NPHP1: variants seen among roughly 807,000 people sequenced by gnomAD.
The protein encoded by NPHP1 is nephrocystin 1.
A neutral mutation model predicts 90.4 loss-of-function variants in NPHP1; 70 were observed. The ratio of observed to expected loss-of-function variants is 0.77; its 90% CI spans 0.64 to 0.95. NPHP1 has a LOEUF of 0.95. NPHP1 is among the 40% of genes least tolerant of loss of function. The pLI, the probability that NPHP1 is intolerant of heterozygous loss-of-function variation, is 0.00. For synonymous variants in NPHP1, 256 were observed against 271.7 expected, an observed-to-expected ratio of 0.94 and a Z score of 0.57; for missense variants, 764 against 795.9, an observed-to-expected ratio of 0.96 and a Z score of 0.48.
At chr2:110,125,440 G>A in intron 19 of NPHP1, 197 bp downstream of exon 19, 2 of 1,184,316 alleles carry the variant, frequency 1.7e-6, no homozygotes, top group Non-Finnish European at 1.2e-6. Flanking sequence ...TCTTGAACAA[G>A]TATTCCTTCT....
At chr2:110,135,250 A>C (rs11895254) in intron 16 of NPHP1, among the ~76,000 whole-genome samples, 6,494 of 152,032 alleles carry the variant, frequency 0.043, 454 homozygotes, top group African/African-American at 0.15. Flanking sequence ...TCAAAATAAT[A>C]ATCTGGAAAC....
chr2:110,186,215 T>A (rs1269579675), intron 2 of NPHP1, among the ~76,000 whole-genome samples: 1 of 152,186 alleles, frequency 6.6e-6, no homozygotes, highest in Non-Finnish European at 1.5e-5. Context: ...TGCCATAGAA[T>A]CAACAGGCTG....
chr2:110,137,120 T>C (rs1020474779), intron 16 of NPHP1, among the ~76,000 whole-genome samples: 5 of 152,068 alleles, frequency 3.3e-5, no homozygotes, highest in Non-Finnish European at 5.9e-5. Context: ...TGGCTAGCCA[T>C]ATGTAGAAAG....
chr2:110,154,190 TG>T (rs1681714416), intron 11 of NPHP1, among the ~76,000 whole-genome samples: 1 of 152,070 alleles, frequency 6.6e-6, no homozygotes, highest in East Asian at 1.9e-4. Flanking sequence ...ATTTTAAAAA[TG>T]GGAGTTTTCC....
intron 11 of NPHP1, among the ~76,000 whole-genome samples, chr2:110,155,189 T>A (rs1289656274): frequency 1.3e-5 from 2 of 152,060 alleles, no homozygotes; most frequent in Non-Finnish European, 2.9e-5. Flanking sequence ...AGCTTCCATG[T>A]GGTATTGAGC....
At chr2:110,194,156 T>G (rs1378938374) in intron 2 of NPHP1, among the ~76,000 whole-genome samples, 1 of 151,710 alleles carries the variant, frequency 6.6e-6, no homozygotes, top group East Asian at 1.9e-4. Context: ...ATAACTAAGA[T>G]CAGAGCAGAA....
rs899806238 is a variant in NPHP1 at position 110,123,916 on chromosome 2, T to C, written c.1909A>G (p.Lys637Glu). Residue 637 changes from lysine (K) to glutamate (E), a missense_variant, in exon 20 of 20, where the codon AAG becomes GAG. Physicochemically the swap from Lys to Glu is moderately conservative, Grantham distance 56. Transcript: ENST00000445609. ...GCGCCCTGGTTTTCTTGGTTTTGCT[T>C]AAGGAAGTCAGTGATAACTTTCCAC... ...ARWKVITDFL[K>E]QNQENQGALQ... is the part of the protein sequence containing the mutation. 1.2e-6 allele frequency: 2 copies of C among 1,614,094 alleles called. No individual in the cohort carries two copies. The highest frequency in any genetic ancestry group is 1.7e-6 in the Non-Finnish European group (2 of 1,180,016).
chr2:110,184,394 A>T, intron 2 of NPHP1: 1 of 615,848 alleles, frequency 1.6e-6, no homozygotes, highest in Non-Finnish European at 3.0e-6. Context: ...TCACTGAGGC[A>T]CCTTTAAACC....
chr2:110,178,846 G>C (rs1683688008), intron 3 of NPHP1: 1 of 250,130 alleles, frequency 4.0e-6, no homozygotes, highest in Non-Finnish European at 7.7e-6. Context: ...CGGCTTTAAA[G>C]TCAATGAGAC....
At chr2:110,151,610 G>A (rs1040638968) in intron 11 of NPHP1, among the ~76,000 whole-genome samples, 6 of 152,008 alleles carry the variant, frequency 3.9e-5, no homozygotes, top group Non-Finnish European at 7.4e-5. Flanking sequence ...AGGAATATAG[G>A]AGTATTTTAT....
intron 16 of NPHP1, among the ~76,000 whole-genome samples, chr2:110,133,680 A>T (rs982186977): frequency 6.6e-6 from 1 of 152,148 alleles, no homozygotes; most frequent in Admixed American, 6.5e-5. Context: ...CATACAAAAT[A>T]TCTTTTTTCA....
chr2:110,197,040 A>T (rs1685217269), intron 2 of NPHP1, among the ~76,000 whole-genome samples: 1 of 152,284 alleles, frequency 6.6e-6, no homozygotes, highest in East Asian at 1.9e-4. Flanking sequence ...CAGAAAACCA[A>T]ACTCCGCATG....
chr2:110,173,544 G>A (rs949281730), intron 4 of NPHP1, among the ~76,000 whole-genome samples: 7 of 152,046 alleles, frequency 4.6e-5, no homozygotes, highest in Non-Finnish European at 1.0e-4. Context: ...TATTTTTACT[G>A]TACATTTCCT....
intron 16 of NPHP1, among the ~76,000 whole-genome samples, chr2:110,135,564 C>T (rs370383578): frequency 3.4e-5 from 5 of 148,532 alleles, no homozygotes; most frequent in South Asian, 2.1e-4. Flanking sequence ...GTATCATGCA[C>T]AAGATTTAAC....
intron 16 of NPHP1, among the ~76,000 whole-genome samples, chr2:110,143,217 T>C (rs1680777426): frequency 6.6e-6 from 1 of 152,200 alleles, no homozygotes; most frequent in Non-Finnish European, 1.5e-5. Context: ...TTTTACTGCA[T>C]GTAAATTATA....
At chr2:110,177,827 G>A (rs1444212258) in intron 4 of NPHP1, among the ~76,000 whole-genome samples, 12 of 151,758 alleles carry the variant, frequency 7.9e-5, no homozygotes, top group African/African-American at 2.7e-4. Flanking sequence ...CTGCAGCCTG[G>A]AACTTCTGGG....
intron 6 of NPHP1, among the ~76,000 whole-genome samples, chr2:110,168,190 T>G (rs1010335114): frequency 6.6e-6 from 1 of 152,214 alleles, no homozygotes; most frequent in East Asian, 1.9e-4. Flanking sequence ...ACACCTATTA[T>G]TTGTTATGAT....
intron 4 of NPHP1, among the ~76,000 whole-genome samples, chr2:110,172,569 C>T (rs1015484593): frequency 2.0e-5 from 3 of 152,008 alleles, no homozygotes; most frequent in Non-Finnish European, 4.4e-5. Context: ...TTGCATAAGC[C>T]CATGAGTTCA....
chr2:110,186,555 A>G (rs1449707356), intron 2 of NPHP1, among the ~76,000 whole-genome samples: 1 of 152,170 alleles, frequency 6.6e-6, no homozygotes, highest in Non-Finnish European at 1.5e-5. Flanking sequence ...AGCTGGGGCC[A>G]GCCTGTCTTC....
Sources: gnomAD v4.1 joint callset for allele counts (sites outside exome capture counted in the v4.1 genomes callset) on GRCh38, gnomAD v4.1.1 for gene constraint, MANE v1.5 for transcripts, NCBI Gene and HGNC (gene_info 2026-07-23, HGNC 2026-07-21) for gene names.